SORCS2: variants seen among roughly 807,000 people sequenced by gnomAD.
SORCS2 encodes VPS10 domain-containing receptor SorCS2.
A neutral mutation model predicts 141.6 loss-of-function variants in SORCS2; 100 were observed. The observed-to-expected ratio is 0.71, with a 90% CI of 0.60 to 0.83. The LOEUF (loss-of-function observed/expected upper bound fraction) is 0.83, where lower values mean the gene tolerates loss of function less well. SORCS2 is among the 40% of genes least tolerant of loss of function. The pLI, the probability that SORCS2 is intolerant of heterozygous loss-of-function variation, is 0.00. For synonymous variants in SORCS2, 789 were observed against 676.9 expected, an observed-to-expected ratio of 1.17 and a Z score of -2.57; for missense variants, 1,646 against 1,560.2, an observed-to-expected ratio of 1.05 and a Z score of -0.93.
At chr4:7,290,609 T>C (rs1716536091) in intron 1 of SORCS2, among the ~76,000 whole-genome samples, 1 of 152,224 alleles carries the variant, frequency 6.6e-6, no homozygotes, top group South Asian at 2.1e-4. Context: ...CAAAGGAGCA[T>C]GGAGACTTGA....
chr4:7,273,831 C>T (rs954232972), intron 1 of SORCS2, among the ~76,000 whole-genome samples: 8 of 152,192 alleles, frequency 5.3e-5, no homozygotes, highest in African/African-American at 1.9e-4. Context: ...GGAGGCCATG[C>T]CTCCCTCCCC....
intron 1 of SORCS2, among the ~76,000 whole-genome samples, chr4:7,222,613 G>GC (rs1728777887): frequency 6.6e-6 from 1 of 152,206 alleles, no homozygotes; most frequent in African/African-American, 2.4e-5. Flanking sequence ...GCATGCGAAT[G>GC]AGATTCCAGT....
intron 3 of SORCS2, among the ~76,000 whole-genome samples, chr4:7,549,465 C>G (rs113903589): frequency 0.047 from 7,079 of 151,978 alleles, 204 homozygotes; most frequent in South Asian, 0.087. Context: ...AGCCAGAGGC[C>G]CCTGAGGCCA....
intron 2 of SORCS2, among the ~76,000 whole-genome samples, chr4:7,424,992 C>G (rs750622560): frequency 6.6e-6 from 1 of 152,248 alleles, no homozygotes; most frequent in Non-Finnish European, 1.5e-5. Flanking sequence ...GAATGGATCC[C>G]TGGCCTTCTG....
chr4:7,215,983 C>G (rs1357220235), intron 1 of SORCS2, among the ~76,000 whole-genome samples: 1 of 151,388 alleles, frequency 6.6e-6, no homozygotes, highest in Non-Finnish European at 1.5e-5. Context: ...GGGTCCCCTT[C>G]CACACTGTGG....
intron 15 of SORCS2, 28 bp from the exon 16 acceptor site, chr4:7,714,212 G>C: frequency 6.2e-7 from 1 of 1,602,038 alleles, no homozygotes; most frequent in Non-Finnish European, 8.5e-7. Context: ...GTCTCAGGCA[G>C]CTCCTTACCC....
At chr4:7,529,177 A>G (rs1733874123) in intron 2 of SORCS2, among the ~76,000 whole-genome samples, 1 of 152,130 alleles carries the variant, frequency 6.6e-6, no homozygotes, top group Non-Finnish European at 1.5e-5. Flanking sequence ...TTCCCCAGCC[A>G]GGCACAACCT....
At chr4:7,546,472 G>A (rs562067806) in intron 3 of SORCS2, among the ~76,000 whole-genome samples, 1 of 152,306 alleles carries the variant, frequency 6.6e-6, no homozygotes, top group African/African-American at 2.4e-5. Context: ...CTCCATCGCA[G>A]TGAGGAATCC....
intron 10 of SORCS2, 105 bp downstream of exon 10, chr4:7,682,994 G>A: frequency 7.3e-7 from 1 of 1,368,696 alleles, no homozygotes. Flanking sequence ...AGGACCATCT[G>A]AGACACATGA....
intron 2 of SORCS2, among the ~76,000 whole-genome samples, chr4:7,409,341 G>A (rs1003277824): frequency 5.9e-5 from 9 of 152,172 alleles, no homozygotes; most frequent in Non-Finnish European, 1.3e-4. Flanking sequence ...GGGGATTTCT[G>A]GGTAGTGTGG....
chr4:7,605,998 G>T (rs2108801245), intron 3 of SORCS2, among the ~76,000 whole-genome samples: 1 of 152,316 alleles, frequency 6.6e-6, no homozygotes, highest in Non-Finnish European at 1.5e-5. Context: ...CCACACGGGG[G>T]AACAGAAGAG....
At chr4:7,609,037 G>A (rs1292071832) in intron 3 of SORCS2, among the ~76,000 whole-genome samples, 1 of 152,076 alleles carries the variant, frequency 6.6e-6, no homozygotes. Context: ...AGCGGTCCTG[G>A]GGAGTCTCAG....
chr4:7,285,109 C>G (rs906654490), intron 1 of SORCS2, among the ~76,000 whole-genome samples: 2 of 151,614 alleles, frequency 1.3e-5, no homozygotes, highest in Admixed American at 1.3e-4. Flanking sequence ...CTTGGTTCAC[C>G]GCAACCTCCA....
intron 1 of SORCS2, among the ~76,000 whole-genome samples, chr4:7,245,717 A>G (rs1236684450): frequency 2.6e-5 from 4 of 152,162 alleles, no homozygotes; most frequent in African/African-American, 9.7e-5. Flanking sequence ...ATGTGGGGCA[A>G]GCGCTTGGTG....
chr4:7,633,883 A>G lies in SORCS2; in HGVS notation c.649-4445A>G, dbSNP rs1022232858. On this transcript the variant is annotated intron_variant, in intron 3 of 26. Transcript: ENST00000507866. Reference sequence around the variant, plus strand: ...ATGGGCCAGTGAGGATGGTGGACACACAGTTGCGTCGTAAGAACGTTTGAA... The same window carrying G: ...ATGGGCCAGTGAGGATGGTGGACACGCAGTTGCGTCGTAAGAACGTTTGAA... Among the ~76,000 whole-genome samples the G allele has an allele frequency of 4.1e-5, 5 of 123,308 alleles. 1 individual carries two copies. The highest frequency in any genetic ancestry group is 9.4e-5 in the Non-Finnish European group (5 of 53,258). The allele number at this position is 123,308 out of a possible 152,430, so 80.9% of individuals were successfully genotyped here.
chr4:7,600,406 G>A (rs1717580185), intron 3 of SORCS2, among the ~76,000 whole-genome samples: 1 of 152,152 alleles, frequency 6.6e-6, no homozygotes, highest in South Asian at 2.1e-4. Flanking sequence ...CTTGGCACGA[G>A]TGCTTCTGTG....
chr4:7,445,059 G>A (rs144702344), intron 2 of SORCS2, among the ~76,000 whole-genome samples: 4 of 152,234 alleles, frequency 2.6e-5, no homozygotes, highest in Non-Finnish European at 4.4e-5. Flanking sequence ...CCATTGCTGC[G>A]GGTGGCAAGA....
intron 1 of SORCS2, among the ~76,000 whole-genome samples, chr4:7,232,465 C>T (rs1711961373): frequency 6.6e-6 from 1 of 152,186 alleles, no homozygotes; most frequent in Admixed American, 6.5e-5. Context: ...ATGTCACCCC[C>T]CACGGCAGCC....
chr4:7,220,110 G>C (rs185096346), intron 1 of SORCS2, among the ~76,000 whole-genome samples: 75 of 152,340 alleles, frequency 4.9e-4, no homozygotes, highest in African/African-American at 1.8e-3. Flanking sequence ...GTTGGGCTGA[G>C]ACTTCACATT....
Sources: allele counts gnomAD v4.1 joint callset (sites outside exome capture counted in the v4.1 genomes callset), GRCh38; gene constraint gnomAD v4.1.1; transcripts MANE v1.5; gene names NCBI Gene and HGNC (gene_info 2026-07-23, HGNC 2026-07-21).